Variants in MAGI3 observed in about 807,000 individuals in gnomAD.
MAGI3 encodes the protein membrane associated guanylate kinase, WW and PDZ domain containing 3.
In MAGI3, 43 loss-of-function variants were observed where a neutral mutation model predicts 121.8. That is an observed-to-expected ratio of 0.35 (90% CI 0.28 to 0.46). The LOEUF (loss-of-function observed/expected upper bound fraction) is 0.46. Among genes scored for constraint, MAGI3 ranks in the 20% least tolerant of loss-of-function variants. MAGI3 has a pLI of 1.00. For missense variants in MAGI3, 1,547 were observed against 1,797.3 expected, an observed-to-expected ratio of 0.86 and a Z score of 2.52; for synonymous variants, 553 against 639.3, an observed-to-expected ratio of 0.86 and a Z score of 2.04.
intron 1 of MAGI3, among the ~76,000 whole-genome samples, chr1:113,415,171 A>T (rs778001649): frequency 1.3e-5 from 2 of 152,088 alleles, no homozygotes; most frequent in Non-Finnish European, 2.9e-5. Context: ...TGCCAGTAGG[A>T]CCTTTAGTAG....
intron 1 of MAGI3, among the ~76,000 whole-genome samples, chr1:113,458,607 C>T (rs369898641): frequency 6.6e-6 from 1 of 152,144 alleles, no homozygotes; most frequent in Non-Finnish European, 1.5e-5. Flanking sequence ...AACTCTTGGG[C>T]TCAAGTAATC....
chr1:113,413,536 T>G (rs1248822239), intron 1 of MAGI3, among the ~76,000 whole-genome samples: 1 of 152,202 alleles, frequency 6.6e-6, no homozygotes, highest in South Asian at 2.1e-4. Context: ...CATTTGTTTG[T>G]GTCCTCTTTA....
chr1:113,470,532 T>C (rs1655492775), intron 1 of MAGI3, among the ~76,000 whole-genome samples: 3 of 152,106 alleles, frequency 2.0e-5, no homozygotes, highest in African/African-American at 7.2e-5. Context: ...ATGGTAACTA[T>C]ATTAAAAAAA....
rs1325623231 is a variant in MAGI3 at position 113,416,185 on chromosome 1, T to TTATTATG, written c.316+24838_316+24839insTTATGTA. 5.2e-5 allele frequency among the ~76,000 whole-genome samples: 4 copies of TTATTATG among 77,556 alleles called. 1 individual carries two copies. The highest frequency in any genetic ancestry group is 1.7e-4 in the Admixed American group (1 of 5,852). 50.9% of individuals were successfully genotyped at this position (77,556 alleles called of 152,430 possible). On this transcript the variant is annotated intron_variant, in intron 1 of 20. Transcript: ENST00000307546. ...ATTATTATGTAATTAATGACACATATTAATTATGTAATTAATGACACATAT... is the reference window on the plus strand; with the variant it reads ...ATTATTATGTAATTAATGACACATATTATTATGTAATTATGTAATTAATGACACATAT...
intron 1 of MAGI3, among the ~76,000 whole-genome samples, chr1:113,537,392 A>G (rs1287502333): frequency 6.6e-6 from 1 of 152,168 alleles, no homozygotes; most frequent in Non-Finnish European, 1.5e-5. Context: ...GTCATGTACT[A>G]TTCCACTCTC....
chr1:113,408,428 T>A (rs1324870857), intron 1 of MAGI3, among the ~76,000 whole-genome samples: 1 of 152,136 alleles, frequency 6.6e-6, no homozygotes, highest in Non-Finnish European at 1.5e-5. Flanking sequence ...GCTGTTTTAG[T>A]TTCTGTCCTA....
At chr1:113,484,337 A>G (rs1319549444) in intron 1 of MAGI3, among the ~76,000 whole-genome samples, 5 of 151,986 alleles carry the variant, frequency 3.3e-5, no homozygotes, top group Non-Finnish European at 2.9e-5. Context: ...CTGAGATTTT[A>G]GTGCACCCAT....
chr1:113,439,869 A>G (rs994916277), intron 1 of MAGI3, among the ~76,000 whole-genome samples: 5 of 152,150 alleles, frequency 3.3e-5, no homozygotes, highest in African/African-American at 1.2e-4. Context: ...GTTATTAAAT[A>G]CTAGAGCCAG....
Position 113,616,181 on chromosome 1 carries a change from G to C in MAGI3, c.1076+1523G>C, listed in dbSNP as rs1442713818. On this transcript the variant is annotated intron_variant, in intron 7 of 20. Transcript: ENST00000307546. ...TTTAGGGCAAATCCTGAAGCGACCTGCTCCTAGTTGTCAGGGAGGTACATG... is the reference window on the plus strand; with the variant it reads ...TTTAGGGCAAATCCTGAAGCGACCTCCTCCTAGTTGTCAGGGAGGTACATG... 4.6e-5 allele frequency among the ~76,000 whole-genome samples: 7 copies of C among 152,188 alleles called. No individual in the cohort carries two copies. In the South Asian group the frequency reaches 1.2e-3, roughly 27 times the overall value.
chr1:113,415,219 A>C (rs937124841), intron 1 of MAGI3, among the ~76,000 whole-genome samples: 3 of 152,106 alleles, frequency 2.0e-5, no homozygotes, highest in East Asian at 3.9e-4. Flanking sequence ...TTATAGTTCA[A>C]GCAGTCTTTC....
At chr1:113,463,548 T>G (rs1655135652) in intron 1 of MAGI3, among the ~76,000 whole-genome samples, 1 of 152,090 alleles carries the variant, frequency 6.6e-6, no homozygotes, top group Non-Finnish European at 1.5e-5. Flanking sequence ...ATAGGGATCT[T>G]TGATGACCCT....
At chr1:113,629,750 C>G (rs867630095) in intron 9 of MAGI3, among the ~76,000 whole-genome samples, 34 of 108,650 alleles carry the variant, frequency 3.1e-4, no homozygotes, top group Non-Finnish European at 5.4e-4. Flanking sequence ...CTCTCTCTCT[C>G]TCTCTCTCTC....
chr1:113,412,382 A>G (rs1652047829), intron 1 of MAGI3, among the ~76,000 whole-genome samples: 1 of 152,202 alleles, frequency 6.6e-6, no homozygotes, highest in African/African-American at 2.4e-5. Flanking sequence ...CTTTGGGTAT[A>G]TACCAAGTAA....
At chr1:113,474,312 G>A (rs1472981797) in intron 1 of MAGI3, among the ~76,000 whole-genome samples, 2 of 152,128 alleles carry the variant, frequency 1.3e-5, no homozygotes, top group South Asian at 2.1e-4. Flanking sequence ...CATTGCTTTT[G>A]ATGTTTTAGT....
At chr1:113,404,586 T>G (rs1651575896) in intron 1 of MAGI3, 1 of 152,214 alleles carries the variant, frequency 6.6e-6, no homozygotes, top group Non-Finnish European at 1.5e-5. Context: ...CCCAGCTCCC[T>G]TTTCACTGTT....
At chr1:113,665,600 A>G (rs1430209645) in intron 16 of MAGI3, among the ~76,000 whole-genome samples, 2 of 152,122 alleles carry the variant, frequency 1.3e-5, no homozygotes, top group African/African-American at 4.8e-5. Context: ...GTGTGTATGT[A>G]TATATATTTT....
intron 1 of MAGI3, among the ~76,000 whole-genome samples, chr1:113,395,976 C>T (rs1296167501): frequency 1.3e-5 from 2 of 151,946 alleles, no homozygotes; most frequent in Non-Finnish European, 2.9e-5. Context: ...ATTATTTTTC[C>T]TCTGAGATCC....
chr1:113,651,265 T>G (rs1156730189), intron 14 of MAGI3, 59 bp downstream of exon 14: 2 of 1,478,222 alleles, frequency 1.4e-6, no homozygotes, highest in Non-Finnish European at 1.8e-6. Flanking sequence ...ACTAGTCTAC[T>G]TCCTGTGTAG....
At chr1:113,680,751 C>CGTCTCAA (rs1426299451) in intron 19 of MAGI3, among the ~76,000 whole-genome samples, 1 of 151,852 alleles carries the variant, frequency 6.6e-6, no homozygotes, top group Non-Finnish European at 1.5e-5. Context: ...AGCAAGACTC[C>CGTCTCAA]GTCTCAAAAA....
Sources: allele counts gnomAD v4.1 joint callset (sites outside exome capture counted in the v4.1 genomes callset), GRCh38; gene constraint gnomAD v4.1.1; transcripts MANE v1.5; gene names NCBI Gene and HGNC (gene_info 2026-07-23, HGNC 2026-07-21).